Variants in ZDHHC11B observed in about 807,000 individuals in gnomAD.
ZDHHC11B encodes probable palmitoyltransferase ZDHHC11B.
ZDHHC11B carries 17 observed loss-of-function variants against 42.3 expected under a neutral mutation model. That is an observed-to-expected ratio of 0.40 (90% CI 0.27 to 0.60). ZDHHC11B has a LOEUF of 0.60. Ranked by LOEUF, ZDHHC11B falls within the 20% of genes least tolerant of loss-of-function variation. ZDHHC11B has a pLI of 0.41. For synonymous variants in ZDHHC11B, 123 were observed against 193.5 expected, an observed-to-expected ratio of 0.64 and a Z score of 3.02; for missense variants, 262 against 463.2, an observed-to-expected ratio of 0.57 and a Z score of 3.99.
chr5:773,755 G>A (rs1355085815), intron 1 of ZDHHC11B, among the ~76,000 whole-genome samples: 1 of 151,756 alleles, frequency 6.6e-6, no homozygotes, highest in African/African-American at 2.4e-5. Context: ...CTGCTTGGAG[G>A]CTGAGCCCAC....
Position 759,634 on chromosome 5 carries a change from G to A in ZDHHC11B, c.223-3490C>T, listed in dbSNP as rs538842520. 3.9e-4 allele frequency among the ~76,000 whole-genome samples: 59 copies of A among 152,064 alleles called. 1 individual carries two copies. Among genetic ancestry groups the A allele is most frequent in the Non-Finnish European group, 6.2e-4 (42 of 67,900 alleles). The stretch of plus-strand genomic sequence containing the variant: ...TTTGCAGAAGAACAGACGCGGGCAC[G>A]CGGGCACTGAGGCATGCTCTGGAAG... On this transcript the variant is annotated intron_variant, in intron 4 of 13. Transcript: ENST00000508859.
In ZDHHC11B at chr5:750,313, C is replaced by T. The variant is rs868017533; in HGVS notation, c.628+820G>A. On this transcript the variant is annotated intron_variant, in intron 7 of 13. Coordinates refer to ENST00000508859, the MANE Select transcript of ZDHHC11B (RefSeq NM_001351303.2). Reference sequence around the variant, plus strand: ...GACGTCCAGCTGCAGGACAGTTGAGCGCGCTGCCTCCGCAGGGTCCAGGGA... The same window carrying T: ...GACGTCCAGCTGCAGGACAGTTGAGTGCGCTGCCTCCGCAGGGTCCAGGGA... 1.0e-3 allele frequency among the ~76,000 whole-genome samples: 139 copies of T among 133,270 alleles called. 23 individuals are homozygous for T. The highest frequency in any genetic ancestry group is 3.7e-3 in the African/African-American group (133 of 36,002). 87.4% of individuals were successfully genotyped at this position (133,270 alleles called of 152,430 possible). A position where few individuals can be genotyped will look rare whatever the true frequency, so the allele number is the denominator to read the frequency against.
chr5:732,347 G>C, intron 11 of ZDHHC11B: 1 of 231,074 alleles, frequency 4.3e-6, no homozygotes. Context: ...TCCACACATA[G>C]ATGCTGCAGA....
chr5:783,841 A>T (rs1361292394), intron 1 of ZDHHC11B, among the ~76,000 whole-genome samples: 1 of 99,948 alleles, frequency 1.0e-5, no homozygotes, highest in Non-Finnish European at 1.9e-5. Flanking sequence ...CCCAAACCCC[A>T]TCAAAACAGC....
At chr5:753,245 C>T (rs1331066695) in intron 6 of ZDHHC11B, among the ~76,000 whole-genome samples, 1 of 128,640 alleles carries the variant, frequency 7.8e-6, no homozygotes, top group African/African-American at 2.5e-5. Flanking sequence ...CGCGGGGGCT[C>T]TGCCATCAGC....
At chr5:761,665 C>T (rs1270580352) in intron 4 of ZDHHC11B, among the ~76,000 whole-genome samples, 1 of 151,912 alleles carries the variant, frequency 6.6e-6, no homozygotes, top group Admixed American at 6.6e-5. Context: ...AAGCCTGAAC[C>T]CCCACATGTG....
chr5:737,222 A>G (rs1269447075), intron 10 of ZDHHC11B, among the ~76,000 whole-genome samples: 10 of 148,114 alleles, frequency 6.8e-5, no homozygotes, highest in Admixed American at 5.5e-4. Flanking sequence ...GAGGAGATGG[A>G]TAACTTCCTG....
At chr5:772,694 G>A (rs754712664) in intron 1 of ZDHHC11B, among the ~76,000 whole-genome samples, 1 of 151,856 alleles carries the variant, frequency 6.6e-6, no homozygotes, top group Non-Finnish European at 1.5e-5. Context: ...GGCAGTTCTG[G>A]AGGGAAAAGT....
intron 10 of ZDHHC11B, among the ~76,000 whole-genome samples, chr5:736,225 C>G (rs992939891): frequency 1.3e-5 from 2 of 149,862 alleles, no homozygotes; most frequent in African/African-American, 2.5e-5. Flanking sequence ...AGACAAAGAG[C>G]AACACTATAC....
rs1373536999 is a variant in ZDHHC11B at position 751,979 on chromosome 5, C to T, written c.504-722G>A. The stretch of plus-strand genomic sequence containing the variant: ...CTACCAGCGGAGCATGAGGGTCACA[C>T]GGCGTCTCCAGTGTCACAGCTCTGG... On this transcript the variant is annotated intron_variant, in intron 6 of 13. Transcript: ENST00000508859. Among the ~76,000 whole-genome samples, 5 of 121,516 alleles carry T rather than the reference C, an allele frequency of 4.1e-5. 1 individual carries two copies. The highest frequency in any genetic ancestry group is 1.1e-4 in the African/African-American group (4 of 38,074). 79.7% of individuals were successfully genotyped at this position (121,516 alleles called of 152,430 possible).
chr5:776,629 G>A (rs896965754), intron 1 of ZDHHC11B, among the ~76,000 whole-genome samples: 5 of 151,870 alleles, frequency 3.3e-5, no homozygotes, highest in African/African-American at 9.7e-5. Context: ...AGACCACAGC[G>A]ACCCGAAGCC....
intron 11 of ZDHHC11B, chr5:732,568 C>G: frequency 2.3e-6 from 1 of 430,454 alleles, no homozygotes; most frequent in Admixed American, 2.5e-5. Flanking sequence ...GTCTTGGACA[C>G]CAGCCTCACT....
rs768243287 is a variant in ZDHHC11B at position 730,478 on chromosome 5, G to A, written c.1024-10C>T. On this transcript the variant is annotated splice_polypyrimidine_tract_variant and intron_variant, in intron 11 of 13. Transcript: ENST00000508859. ...GGGCATCATCTGCTTCCTGTGGGGG[G>A]AAGGGAAGCAAAATTCTTAGGATGA... The A allele has an allele frequency of 2.1e-5, 33 of 1,556,756 alleles. No individual in the cohort carries two copies. Among genetic ancestry groups the A allele is most frequent in the Non-Finnish European group, 2.7e-5 (31 of 1,161,642 alleles).
chr5:771,237 TG>T lies in ZDHHC11B; in HGVS notation c.-229-2308del, dbSNP rs1372193594. ...TGGCCAAAGTGTGGCTCTGTCATCG[TG>T]GGGGTCCTGAGTGTGGCCCCTGCTG... On this transcript the variant is annotated intron_variant, in intron 1 of 13. Transcript: ENST00000508859. Among the ~76,000 whole-genome samples the T allele has an allele frequency of 1.4e-4, 22 of 151,888 alleles. 1 individual carries two copies. Among genetic ancestry groups the T allele is most frequent in the Non-Finnish European group, 2.1e-4 (14 of 67,860 alleles).
chr5:714,916 C>T (rs537158996), intron 13 of ZDHHC11B, among the ~76,000 whole-genome samples: 1 of 151,330 alleles, frequency 6.6e-6, no homozygotes, highest in African/African-American at 2.4e-5. Context: ...CTTGCTCTAA[C>T]CAACCCATGA....
chr5:760,350 T>C (rs1178858392), intron 4 of ZDHHC11B, among the ~76,000 whole-genome samples: 2 of 151,496 alleles, frequency 1.3e-5, no homozygotes, highest in Non-Finnish European at 2.9e-5. Context: ...ACTGGCATCT[T>C]TACAAAAACG....
At chr5:784,312 C>A (rs905191) in intron 1 of ZDHHC11B, among the ~76,000 whole-genome samples, 10 of 151,758 alleles carry the variant, frequency 6.6e-5, no homozygotes, top group African/African-American at 2.4e-4. Context: ...CCGGGCTGGG[C>A]AGGGTCTGGA....
In ZDHHC11B at chr5:748,941, G is replaced by T. The variant is rs369673028; in HGVS notation, c.629-382C>A. Reference sequence around the variant, plus strand: ...AGCGCCCACCCCTTCCTCACTAAGTGCCGGGGTCACAGTGCCTACCCCTTC... The same window carrying T: ...AGCGCCCACCCCTTCCTCACTAAGTTCCGGGGTCACAGTGCCTACCCCTTC... On this transcript the variant is annotated intron_variant, in intron 7 of 13. Coordinates refer to ENST00000508859, the MANE Select transcript of ZDHHC11B (RefSeq NM_001351303.2). Among the ~76,000 whole-genome samples the T allele has an allele frequency of 1.0e-2, 1,013 of 101,308 alleles. 11 individuals are homozygous for T. Among genetic ancestry groups the T allele is most frequent in the African/African-American group, 0.03 (869 of 29,368 alleles). The allele number at this position is 101,308 out of a possible 152,430, so 66.5% of individuals were successfully genotyped here. A position where few individuals can be genotyped will look rare whatever the true frequency, so the allele number is the denominator to read the frequency against.
intron 1 of ZDHHC11B, among the ~76,000 whole-genome samples, chr5:780,247 C>G (rs1268459697): frequency 1.3e-3 from 200 of 150,160 alleles, no homozygotes; most frequent in African/African-American, 4.8e-3. Context: ...CCAGATTGAC[C>G]CAAGAGACTC....
Sources: allele counts gnomAD v4.1 joint callset (sites outside exome capture counted in the v4.1 genomes callset), GRCh38; gene constraint gnomAD v4.1.1; transcripts MANE v1.5; gene names NCBI Gene and HGNC (gene_info 2026-07-23, HGNC 2026-07-21).